Variants in RBFOX1 observed in about 807,000 individuals in gnomAD.
The protein encoded by RBFOX1 is RNA binding protein fox-1 homolog 1.
RBFOX1 carries 8 observed loss-of-function variants against 57.7 expected under a neutral mutation model. The ratio of observed to expected loss-of-function variants is 0.14; its 90% CI spans 0.08 to 0.25. The LOEUF (loss-of-function observed/expected upper bound fraction) is 0.25. RBFOX1 is among the 10% of genes least tolerant of loss of function. The pLI, the probability that RBFOX1 is intolerant of heterozygous loss-of-function variation, is 1.00. For synonymous variants in RBFOX1, 326 were observed against 222.4 expected, an observed-to-expected ratio of 1.47 and a Z score of -4.15; for missense variants, 611 against 548.5, an observed-to-expected ratio of 1.11 and a Z score of -1.14.
intron 3 of RBFOX1, among the ~76,000 whole-genome samples, chr16:5,654,101 G>A (rs1331288289): frequency 2.0e-5 from 3 of 152,188 alleles, no homozygotes; most frequent in South Asian, 2.1e-4. Flanking sequence ...GTGAGGACAC[G>A]TCTGGGTCAA....
At chr16:6,927,859 C>A (rs905283869) in intron 3 of RBFOX1, among the ~76,000 whole-genome samples, 83 of 152,326 alleles carry the variant, frequency 5.4e-4, no homozygotes, top group African/African-American at 1.9e-3. Context: ...CACAACACAT[C>A]ATTTCAAGTG....
At chr16:6,469,730 G>T (rs1175420064) in intron 2 of RBFOX1, among the ~76,000 whole-genome samples, 1 of 152,156 alleles carries the variant, frequency 6.6e-6, no homozygotes, top group Non-Finnish European at 1.5e-5. Context: ...ATTAAAAAGT[G>T]ATTCTCAGAA....
intron 3 of RBFOX1, among the ~76,000 whole-genome samples, chr16:6,794,461 G>C (rs1236016690): frequency 6.6e-6 from 1 of 152,042 alleles, no homozygotes; most frequent in Non-Finnish European, 1.5e-5. Flanking sequence ...GGAGGGATGG[G>C]AGAGAAGTTT....
chr16:5,331,279 G>T (rs528144674), intron 1 of RBFOX1, among the ~76,000 whole-genome samples: 1 of 152,194 alleles, frequency 6.6e-6, no homozygotes, highest in East Asian at 1.9e-4. Context: ...TGTATCTCAC[G>T]TGCTTTGGGC....
At chr16:6,869,583 A>G (rs1441482188) in intron 3 of RBFOX1, among the ~76,000 whole-genome samples, 1 of 151,980 alleles carries the variant, frequency 6.6e-6, no homozygotes, top group Non-Finnish European at 1.5e-5. Context: ...GCAGAGTAGG[A>G]TGAAATAGAG....
At chr16:5,981,880 G>C (rs2060180862) in intron 4 of RBFOX1, among the ~76,000 whole-genome samples, 2 of 152,240 alleles carry the variant, frequency 1.3e-5, no homozygotes, top group Admixed American at 1.3e-4. Context: ...CTTGTGTTTA[G>C]CGGGCGGAGG....
intron 2 of RBFOX1, among the ~76,000 whole-genome samples, chr16:5,568,915 A>T (rs945046897): frequency 6.6e-6 from 1 of 152,040 alleles, no homozygotes; most frequent in Admixed American, 6.6e-5. Context: ...ATCTCAGATC[A>T]CTGCAACCTC....
chr16:6,871,228 C>G (rs780423995), intron 3 of RBFOX1, among the ~76,000 whole-genome samples: 105 of 152,286 alleles, frequency 6.9e-4, no homozygotes, highest in Non-Finnish European at 1.2e-3. Context: ...CTCTGTCCCC[C>G]AGGCTGGAGT....
chr16:6,976,791 A>ATG (rs1278676791), intron 3 of RBFOX1, among the ~76,000 whole-genome samples: 3 of 115,838 alleles, frequency 2.6e-5, no homozygotes, highest in Non-Finnish European at 5.0e-5. Flanking sequence ...TATATTATAT[A>ATG]TATGATATAT....
chr16:7,056,012 C>G (rs984759055), intron 4 of RBFOX1, among the ~76,000 whole-genome samples: 3 of 152,100 alleles, frequency 2.0e-5, no homozygotes, highest in Non-Finnish European at 4.4e-5. Context: ...ACTTTTCTAC[C>G]CATCTTGGCA....
chr16:6,344,561 C>G (rs920647499), intron 2 of RBFOX1, among the ~76,000 whole-genome samples: 1 of 151,362 alleles, frequency 6.6e-6, no homozygotes, highest in Admixed American at 6.6e-5. Flanking sequence ...CTGCGCCCGG[C>G]TAATTTTTTG....
intron 3 of RBFOX1, among the ~76,000 whole-genome samples, chr16:7,050,838 A>C (rs1327839850): frequency 6.6e-6 from 1 of 152,174 alleles, no homozygotes; most frequent in African/African-American, 2.4e-5. Flanking sequence ...ATGGAAATAA[A>C]CATTTGTGTG....
At chr16:7,305,674 T>C (rs1025314945) in intron 4 of RBFOX1, among the ~76,000 whole-genome samples, 1 of 152,230 alleles carries the variant, frequency 6.6e-6, no homozygotes, top group African/African-American at 2.4e-5. Flanking sequence ...GTCAGGATTC[T>C]GTTTTGAACA....
intron 3 of RBFOX1, among the ~76,000 whole-genome samples, chr16:6,699,913 A>G (rs1415079668): frequency 6.6e-6 from 1 of 152,114 alleles, no homozygotes; most frequent in African/African-American, 2.4e-5. Context: ...GGTAATGTTA[A>G]ATTTGTGGAC....
chr16:6,515,440 A>G (rs1598650847), intron 2 of RBFOX1, among the ~76,000 whole-genome samples: 1 of 152,232 alleles, frequency 6.6e-6, no homozygotes, highest in Admixed American at 6.5e-5. Context: ...GGTCCTGGAC[A>G]TATTTTTCTT....
At chr16:6,944,395 G>C (rs1247929406) in intron 3 of RBFOX1, among the ~76,000 whole-genome samples, 4 of 89,002 alleles carry the variant, frequency 4.5e-5, no homozygotes, top group Admixed American at 4.3e-4. Context: ...CTCCATCTCA[G>C]AGAAAAAAAA....
At chr16:5,987,295 G>A (rs1392516421) in intron 4 of RBFOX1, among the ~76,000 whole-genome samples, 1 of 151,910 alleles carries the variant, frequency 6.6e-6, no homozygotes, top group African/African-American at 2.4e-5. Context: ...CGTTATTGTG[G>A]GGTATGTGGT....
At chr16:7,097,709 C>A (rs1051679334) in intron 4 of RBFOX1, among the ~76,000 whole-genome samples, 1 of 152,176 alleles carries the variant, frequency 6.6e-6, no homozygotes, top group African/African-American at 2.4e-5. Context: ...CCCAAACTTG[C>A]ACAATGATTC....
At chr16:5,604,221 T>G (rs1036730833), downstream of RBFOX1, among the ~76,000 whole-genome samples, 1 of 152,186 alleles carries the variant, frequency 6.6e-6, no homozygotes, top group African/African-American at 2.4e-5. Context: ...TATGCGTGCT[T>G]AAGAGACTAA....
Sources: gnomAD v4.1 joint callset for allele counts (sites outside exome capture counted in the v4.1 genomes callset) on GRCh38, gnomAD v4.1.1 for gene constraint, MANE v1.5 for transcripts, NCBI Gene and HGNC (gene_info 2026-07-23, HGNC 2026-07-21) for gene names.